BBS2: variants seen among roughly 807,000 people sequenced by gnomAD.
BBS2 encodes BBSome complex member BBS2.
Under a neutral mutation model 83.0 loss-of-function variants are expected in BBS2, and 62 were observed. The ratio of observed to expected loss-of-function variants is 0.75; its 90% CI spans 0.61 to 0.92. BBS2 has a LOEUF of 0.92. BBS2 is among the 40% of genes least tolerant of loss of function. The probability of loss-of-function intolerance (pLI) is 0.00; values close to 1 mark genes in which losing one functional copy is unlikely to be tolerated. For missense variants in BBS2, 784 were observed against 901.0 expected (o/e 0.87, Z 1.66); for synonymous variants, 303 against 326.1 (o/e 0.93, Z 0.76).
chr16:56,501,215 C>G, intron 10 of BBS2, 138 bp downstream of exon 10: 17 of 1,334,764 alleles, frequency 1.3e-5, no homozygotes, highest in Non-Finnish European at 1.7e-5. Context: ...GAGGCTGAGA[C>G]AGGAGAATGG....
At chr16:56,511,696 C>T (rs1964581387) in intron 2 of BBS2, among the ~76,000 whole-genome samples, 1 of 152,066 alleles carries the variant, frequency 6.6e-6, no homozygotes, top group Non-Finnish European at 1.5e-5. Flanking sequence ...TAAATATTTC[C>T]CCCTCTAATA....
intron 16 of BBS2, 116 bp from the exon 17 acceptor site, chr16:56,484,983 G>T: frequency 1.3e-6 from 1 of 795,040 alleles, no homozygotes. Context: ...CTTGAAATAT[G>T]ATTTATCTTA....
intron 1 of BBS2, among the ~76,000 whole-genome samples, chr16:56,518,774 A>AATACACAGGGCTCTGATTT (rs1386014931): frequency 1.3e-5 from 2 of 152,188 alleles, no homozygotes; most frequent in Admixed American, 6.5e-5. Flanking sequence ...CTGGACTATA[A>AATACACAGGGCTCTGATTT]GCTTTCTGAA....
At chr16:56,508,354 T>TA (rs1261359315) in intron 5 of BBS2, among the ~76,000 whole-genome samples, 1 of 152,200 alleles carries the variant, frequency 6.6e-6, no homozygotes, top group Non-Finnish European at 1.5e-5. Context: ...GACTCCTAAA[T>TA]ACCACATAAC....
chr16:56,509,079 C>T (rs1182544096), intron 5 of BBS2, among the ~76,000 whole-genome samples: 1 of 152,106 alleles, frequency 6.6e-6, no homozygotes, highest in Admixed American at 6.5e-5. Context: ...ACTGAATTTG[C>T]AGGAAGAAAA....
intron 17 of BBS2, among the ~76,000 whole-genome samples, chr16:56,474,416 G>A (rs1220672866): frequency 1.3e-5 from 2 of 151,288 alleles, no homozygotes; most frequent in Admixed American, 6.6e-5. Context: ...TGCCACCCGG[G>A]CTCAAGCAAC....
chr16:56,485,488 A>C, intron 16 of BBS2, 102 bp downstream of exon 16: 1 of 1,449,510 alleles, frequency 6.9e-7, no homozygotes, highest in Non-Finnish European at 9.7e-7. Context: ...AAGGTATGCT[A>C]CTTTCAGCCC....
intron 14 of BBS2, 156 bp downstream of exon 14, chr16:56,497,586 TA>T: frequency 1.1e-6 from 1 of 915,588 alleles, no homozygotes; most frequent in East Asian, 2.5e-5. Flanking sequence ...AATCCTTAAG[TA>T]GTAAACTCTC....
At chr16:56,485,824 G>T in intron 15 of BBS2, 86 bp from the exon 16 acceptor site, 1 of 1,216,638 alleles carries the variant, frequency 8.2e-7, no homozygotes, top group Non-Finnish European at 1.2e-6. Context: ...GACATACAAA[G>T]AAAAGACACC....
intron 1 of BBS2, among the ~76,000 whole-genome samples, chr16:56,517,287 T>C (rs1355455085): frequency 2.6e-5 from 4 of 152,264 alleles, no homozygotes; most frequent in African/African-American, 9.6e-5. Flanking sequence ...GTCTTTGCCA[T>C]GGCCTACAAG....
rs566761663 is a variant in BBS2 at position 56,491,697 on chromosome 16, A to G, written c.1910+5270T>C. Among the ~76,000 whole-genome samples, 70 of 151,168 alleles carry G rather than the reference A, an allele frequency of 4.6e-4. 1 individual carries two copies. Among genetic ancestry groups the G allele is most frequent in the African/African-American group, 1.7e-3 (68 of 41,122 alleles). ...CAATGAAAAATGCCCAATACTGAAC[A>G]TAATAAATGGCTCCTACAACTCAAC... On this transcript the variant is annotated intron_variant, in intron 15 of 16. Transcript: ENST00000245157.
At chr16:56,496,091 T>A (rs1478395656) in intron 15 of BBS2, among the ~76,000 whole-genome samples, 2 of 152,172 alleles carry the variant, frequency 1.3e-5, no homozygotes, top group Non-Finnish European at 2.9e-5. Context: ...TTGCCAATAA[T>A]TCAGGCGTCT....
intron 2 of BBS2, among the ~76,000 whole-genome samples, chr16:56,512,202 A>G (rs1050679849): frequency 6.6e-6 from 1 of 152,208 alleles, no homozygotes; most frequent in Non-Finnish European, 1.5e-5. Context: ...ACAAATGTTG[A>G]CAAAGGATGT....
chr16:56,510,058 T>C, intron 4 of BBS2, 24 bp from the exon 5 acceptor site: 1 of 1,609,856 alleles, frequency 6.2e-7, no homozygotes, highest in Non-Finnish European at 8.5e-7. Context: ...ATCATACATG[T>C]TCAGGTGAGT....
At chr16:56,512,932 T>G (rs544391754) in intron 2 of BBS2, among the ~76,000 whole-genome samples, 2 of 152,276 alleles carry the variant, frequency 1.3e-5, no homozygotes, top group South Asian at 4.1e-4. Context: ...GCAGGAAGAC[T>G]GCTTTAGCCC....
intron 16 of BBS2, 92 bp downstream of exon 16, chr16:56,485,498 C>T (rs1963750117): frequency 6.6e-7 from 1 of 1,516,838 alleles, no homozygotes; most frequent in African/African-American, 1.4e-5. Flanking sequence ...ACTTTCAGCC[C>T]CAATATGAAT....
chr16:56,475,432 G>T, intron 17 of BBS2: 1 of 1,321,592 alleles, frequency 7.6e-7, no homozygotes, highest in South Asian at 1.2e-5. Context: ...AGCAGCATGG[G>T]ATCAGTGATT....
chr16:56,470,773 GA>G, intron 17 of BBS2: 1 of 1,595,784 alleles, frequency 6.3e-7, no homozygotes, highest in Non-Finnish European at 8.5e-7. Flanking sequence ...AGAGCCAGAG[GA>G]AAATGAAACA....
intron 15 of BBS2, among the ~76,000 whole-genome samples, chr16:56,487,465 T>G (rs1567565453): frequency 6.6e-6 from 1 of 152,136 alleles, no homozygotes. Context: ...AATAAGATAA[T>G]GTAAAAAATA....
Sources: allele counts gnomAD v4.1 joint callset (sites outside exome capture counted in the v4.1 genomes callset), GRCh38; gene constraint gnomAD v4.1.1; transcripts MANE v1.5; gene names NCBI Gene and HGNC (gene_info 2026-07-23, HGNC 2026-07-21).